Variants in CUX2 observed in about 807,000 individuals in gnomAD.
CUX2 encodes the protein cut like homeobox 2.
A neutral mutation model predicts 144.8 loss-of-function variants in CUX2; 40 were observed. The observed-to-expected ratio is 0.28, with a 90% CI of 0.21 to 0.36. The LOEUF (loss-of-function observed/expected upper bound fraction) is 0.36, where lower values mean the gene tolerates loss of function less well. Among genes scored for constraint, CUX2 ranks in the 10% least tolerant of loss-of-function variants. The pLI is 1.00. For missense variants in CUX2, 1,615 were observed against 1,994.0 expected (o/e 0.81, Z 3.62); for synonymous variants, 827 against 875.6 (o/e 0.94, Z 0.98).
chr12:111,082,366 G>A (rs1871941807), intron 1 of CUX2, among the ~76,000 whole-genome samples: 1 of 152,190 alleles, frequency 6.6e-6, no homozygotes, highest in Non-Finnish European at 1.5e-5. Flanking sequence ...AAGGCTGGTG[G>A]CCTGAATTGG....
Position 111,134,594 on chromosome 12 carries a change from TTCTC to T in CUX2, c.64-79582_64-79579del, listed in dbSNP as rs370486043. 7.6e-3 allele frequency among the ~76,000 whole-genome samples: 1,096 copies of T among 144,184 alleles called. 8 individuals carry two copies. The highest frequency in any genetic ancestry group is 0.016 in the East Asian group (76 of 4,894). The allele number at this position is 144,184 out of a possible 152,430, so 94.6% of individuals were successfully genotyped here. ...GAGAAACAGAACCAATAAGATCTCT[TTCTC>T]TCTCTCTCTCTCTCTCTCTCTCTGT... On this transcript the variant is annotated intron_variant, in intron 1 of 21. Coordinates refer to ENST00000261726, the MANE Select transcript of CUX2 (RefSeq NM_015267.4).
chr12:111,309,379 G>T (rs1008163386), intron 14 of CUX2, among the ~76,000 whole-genome samples: 1 of 152,150 alleles, frequency 6.6e-6, no homozygotes, highest in Non-Finnish European at 1.5e-5. Context: ...TGGCAAGTTC[G>T]ACTTCCCACC....
intron 4 of CUX2, among the ~76,000 whole-genome samples, chr12:111,276,833 A>C (rs1884901514): frequency 6.6e-6 from 1 of 151,916 alleles, no homozygotes; most frequent in Non-Finnish European, 1.5e-5. Context: ...TTTTTAGTAG[A>C]GACGGGGTGT....
At chr12:111,046,194 G>A (rs1869987521) in intron 1 of CUX2, among the ~76,000 whole-genome samples, 1 of 152,238 alleles carries the variant, frequency 6.6e-6, no homozygotes, top group African/African-American at 2.4e-5. Flanking sequence ...AGAAGCTTGG[G>A]ACAGGAGGTC....
intron 1 of CUX2, among the ~76,000 whole-genome samples, chr12:111,200,153 C>G (rs1880491419): frequency 6.6e-6 from 1 of 151,942 alleles, no homozygotes; most frequent in Non-Finnish European, 1.5e-5. Flanking sequence ...AGGACACCCC[C>G]TCTTGCAGCA....
At chr12:111,137,222 A>G (rs1875952204) in intron 1 of CUX2, among the ~76,000 whole-genome samples, 1 of 151,974 alleles carries the variant, frequency 6.6e-6, no homozygotes, top group Admixed American at 6.6e-5. Context: ...GGCATGAGCC[A>G]CCACTCCCAT....
intron 4 of CUX2, among the ~76,000 whole-genome samples, chr12:111,279,605 T>C (rs1403521136): frequency 6.6e-6 from 1 of 151,840 alleles, no homozygotes; most frequent in Non-Finnish European, 1.5e-5. Context: ...GAAGGATTGC[T>C]GGAACCCAGG....
rs192335387 is a variant in CUX2, at chr12:111,349,068, C to A, written c.*743C>A. 2 of 152,536 alleles carry A rather than the reference C, an allele frequency of 1.3e-5. No individual in the cohort carries two copies. The highest frequency in any genetic ancestry group is 4.8e-5 in the African/African-American group (2 of 41,408). The allele number at this position is 152,536 out of a possible 1,614,324, so 9.4% of individuals were successfully genotyped here. On this transcript the variant is annotated 3_prime_UTR_variant, in exon 22 of 22. Transcript: ENST00000261726. ...TTGTAAATGTTGTAGAGATGTGGGCCGTGGCCCAACCGTCCTATATGAGAT... is the reference window on the plus strand; with the variant it reads ...TTGTAAATGTTGTAGAGATGTGGGCAGTGGCCCAACCGTCCTATATGAGAT...
In CUX2 at chr12:111,304,329, G is replaced by T; in HGVS notation, c.858+15G>T. 6.2e-7 allele frequency: 1 copy of T among 1,603,898 alleles called. No individual in the cohort carries two copies. The highest frequency in any genetic ancestry group is 1.1e-5 in the South Asian group (1 of 90,186). On this transcript the variant is annotated intron_variant, in intron 10 of 21. Coordinates refer to ENST00000261726, the MANE Select transcript of CUX2 (RefSeq NM_015267.4). The surrounding 1 kb of genome is among the most constrained non-coding windows in gnomAD (Gnocchi z 4.7). Reference sequence around the variant, plus strand: ...GGCCCAGTGGGGTAAGGATGGGGTTGGGGAAGTGAGCAGGGAGGGCAGAGG... The same window carrying T: ...GGCCCAGTGGGGTAAGGATGGGGTTTGGGAAGTGAGCAGGGAGGGCAGAGG...
At position 111,310,140 on chromosome 12, in the gene CUX2, A is replaced by T. The variant is rs1054321015; in HGVS notation, c.1358A>T (p.Asp453Val). ...CTCCCACCTCCACCAGGGCCAGAAG[A>T]CCCCCTGTCTCCCAGCCCCGGGCAG... ...QQLPPPPGPEDPLSPSPGQPL... is the reference protein window; with the variant it reads ...QQLPPPPGPEVPLSPSPGQPL... The change falls in exon 15 of 22, where the codon GAC (aspartate) becomes GTC (valine). Residue 453 changes from aspartate to valine, a missense_variant. By Grantham distance (152) the Asp-to-Val change is radical. Around this residue, in one of 12 missense-constraint regions of CUX2, gnomAD observed 154 missense variants for 148.4 expected, o/e 1.04. Transcript: ENST00000261726. This position sits in a 1 kb window ranked among gnomAD's most constrained non-coding sequence, Gnocchi z 7.9. The T allele has an allele frequency of 6.6e-7, 1 of 1,524,504 alleles. No homozygotes were observed. The highest frequency in any genetic ancestry group is 1.7e-4 in the Middle Eastern group (1 of 5,716). 94.4% of individuals were successfully genotyped at this position (1,524,504 alleles called of 1,614,324 possible).
intron 1 of CUX2, among the ~76,000 whole-genome samples, chr12:111,055,340 A>G (rs1286568452): frequency 7.9e-5 from 12 of 152,208 alleles, no homozygotes; most frequent in Admixed American, 7.8e-4. Context: ...GACTAGGCCA[A>G]TTTCCTGTCC....
chr12:111,088,144 A>G (rs998858449), intron 1 of CUX2, among the ~76,000 whole-genome samples: 2 of 152,182 alleles, frequency 1.3e-5, no homozygotes, highest in Non-Finnish European at 2.9e-5. Flanking sequence ...TCAGGGAGGA[A>G]AATATGTGTG....
In CUX2 at chr12:111,320,831, T is replaced by G; in HGVS notation, c.2766+56T>G. On this transcript the variant is annotated intron_variant, in intron 17 of 21. Transcript: ENST00000261726. The surrounding 1 kb of genome is among the most constrained non-coding windows in gnomAD (Gnocchi z 8.1). ...GCTCTGGGAGAAGATGTCGGAGAAG[T>G]AGGATGCCCACCCAAGCAGGCTGGC... is the stretch of plus-strand genomic sequence containing the variant. 7.1e-7 allele frequency: 1 copy of G among 1,414,846 alleles called. No homozygotes were observed. Among genetic ancestry groups the G allele is most frequent in the Non-Finnish European group, 9.2e-7 (1 of 1,087,196 alleles). The allele number at this position is 1,414,846 out of a possible 1,614,324, so 87.6% of individuals were successfully genotyped here.
chr12:111,131,420 C>A (rs1028967742), intron 1 of CUX2, among the ~76,000 whole-genome samples: 1 of 152,120 alleles, frequency 6.6e-6, no homozygotes, highest in Non-Finnish European at 1.5e-5. Context: ...CTTTCCACCC[C>A]TGGCCCTTCC....
intron 3 of CUX2, among the ~76,000 whole-genome samples, chr12:111,220,767 AAAAAAAAAAAAAAT>A (rs1881807835): frequency 2.1e-5 from 3 of 145,528 alleles, no homozygotes; most frequent in African/African-American, 7.9e-5. Flanking sequence ...AAAAAAAAAA[AAAAAAAAAAAAAAT>A]TTAAATGAGC....
chr12:111,241,266 C>T lies in CUX2; in HGVS notation c.223-22495C>T, dbSNP rs1376151882. Among the ~76,000 whole-genome samples, 7 of 152,278 alleles carry T rather than the reference C, an allele frequency of 4.6e-5. No individual in the cohort carries two copies. In the East Asian group the frequency reaches 1.4e-3, roughly 29 times the overall value. On this transcript the variant is annotated intron_variant, in intron 3 of 21. Coordinates refer to ENST00000261726, the MANE Select transcript of CUX2 (RefSeq NM_015267.4). Reference sequence around the variant, plus strand: ...TCCATTCCCAAGAGAGGACATTAATCTATTCATGAGAGATCCACCCCCACG... The same window carrying T: ...TCCATTCCCAAGAGAGGACATTAATTTATTCATGAGAGATCCACCCCCACG...
At chr12:111,100,522 C>A (rs1392327686) in intron 1 of CUX2, among the ~76,000 whole-genome samples, 6 of 151,870 alleles carry the variant, frequency 4.0e-5, no homozygotes, top group Admixed American at 1.3e-4. Context: ...CACATGGGTG[C>A]GTGACTGGTG....
intron 1 of CUX2, among the ~76,000 whole-genome samples, chr12:111,201,763 C>T (rs905654626): frequency 4.6e-5 from 7 of 152,206 alleles, no homozygotes; most frequent in African/African-American, 1.4e-4. Context: ...TTCCCACCCC[C>T]AGATGCTCCC....
chr12:111,228,034 T>C (rs765684493), intron 3 of CUX2, among the ~76,000 whole-genome samples: 8 of 151,716 alleles, frequency 5.3e-5, no homozygotes, highest in Non-Finnish European at 1.0e-4. Flanking sequence ...TGGGAGAGAG[T>C]CACCAGCCCA....
Sources: allele counts gnomAD v4.1 joint callset (sites outside exome capture counted in the v4.1 genomes callset), GRCh38; gene constraint gnomAD v4.1.1; regional missense constraint gnomAD v4.1.1; non-coding constraint Gnocchi (gnomAD v3.1); transcripts MANE v1.5; gene names NCBI Gene and HGNC (gene_info 2026-07-23, HGNC 2026-07-21).